Variants in EYS observed in about 807,000 individuals in gnomAD.
The protein encoded by EYS is EGF-like photoreceptor maintenance factor, also known as protein eyes shut homolog.
Under a neutral mutation model 282.1 loss-of-function variants are expected in EYS, and 250 were observed. That is an observed-to-expected ratio of 0.89 (90% CI 0.80 to 0.98). EYS has a LOEUF of 0.98. Among genes scored for constraint, EYS ranks in the 50% least tolerant of loss-of-function variants. EYS has a pLI of 0.00. For missense variants in EYS, 4,016 were observed against 3,709.0 expected (o/e 1.08, Z -2.15); for synonymous variants, 1,355 against 1,282.9 (o/e 1.06, Z -1.20).
chr6:65,246,582 T>C (rs1252471857), intron 12 of EYS, among the ~76,000 whole-genome samples: 2 of 152,046 alleles, frequency 1.3e-5, no homozygotes, highest in Non-Finnish European at 2.9e-5. Flanking sequence ...GAGCCCCCCA[T>C]AGTAATATTT....
intron 31 of EYS, among the ~76,000 whole-genome samples, chr6:64,163,693 C>A (rs969652043): frequency 6.6e-6 from 1 of 151,958 alleles, no homozygotes; most frequent in Non-Finnish European, 1.5e-5. Context: ...GTACTTAAGG[C>A]AAATCTTTCT....
chr6:65,628,228 G>C lies in EYS; in HGVS notation c.-333+11550C>G, dbSNP rs1022258468. On this transcript the variant is annotated intron_variant, in intron 2 of 42. Coordinates refer to ENST00000503581, the MANE Select transcript of EYS (RefSeq NM_001142800.2). ...CTCAAGGTTTGTGAGTGCACCAATC[G>C]ACACTCCGTATCTAGCTGCTCTGGT... Among the ~76,000 whole-genome samples, 15 of 152,084 alleles carry C rather than the reference G, an allele frequency of 9.9e-5. 1 individual carries two copies. The highest frequency in any genetic ancestry group is 9.2e-4 in the Admixed American group (14 of 15,276).
At chr6:65,164,990 T>C (rs1345015673) in intron 12 of EYS, among the ~76,000 whole-genome samples, 4 of 151,270 alleles carry the variant, frequency 2.6e-5, no homozygotes, top group African/African-American at 4.8e-5. Context: ...TGCTTCCAAA[T>C]AAGGCCAAAT....
At chr6:63,828,371 C>T (rs557043716) in intron 36 of EYS, among the ~76,000 whole-genome samples, 40 of 130,050 alleles carry the variant, frequency 3.1e-4, no homozygotes, top group South Asian at 6.8e-4. Context: ...AATAACCTCA[C>T]GAAGAAATGA....
intron 26 of EYS, among the ~76,000 whole-genome samples, chr6:64,445,027 C>T (rs192018181): frequency 1.3e-5 from 2 of 152,302 alleles, no homozygotes; most frequent in Admixed American, 1.3e-4. Context: ...ATTACCCAGC[C>T]TCAGGTATCT....
chr6:65,417,922 C>A (rs920689885), intron 5 of EYS, among the ~76,000 whole-genome samples: 4 of 151,856 alleles, frequency 2.6e-5, no homozygotes, highest in African/African-American at 9.7e-5. Flanking sequence ...AGAATACCAA[C>A]AACAAAAAGC....
At chr6:64,979,081 C>T (rs1392608144) in intron 14 of EYS, among the ~76,000 whole-genome samples, 2 of 151,778 alleles carry the variant, frequency 1.3e-5, no homozygotes, top group Non-Finnish European at 2.9e-5. Flanking sequence ...ACAAGTTTTA[C>T]TGTGGATGAA....
intron 22 of EYS, among the ~76,000 whole-genome samples, chr6:64,718,737 C>A (rs1771477602): frequency 1.3e-5 from 2 of 152,200 alleles, no homozygotes; most frequent in Non-Finnish European, 2.9e-5. Flanking sequence ...TAGAATCAAT[C>A]TCAGAGCTGT....
In EYS at chr6:65,612,263, C is replaced by A. The variant is rs188294557; in HGVS notation, c.-333+27515G>T. ...TATCATATATATTTATTATGTATGA[C>A]ATATAATCCTGGGTATTACTATTTT... is the stretch of plus-strand genomic sequence containing the variant. On this transcript the variant is annotated intron_variant, in intron 2 of 42. Coordinates refer to ENST00000503581, the MANE Select transcript of EYS (RefSeq NM_001142800.2). Among the ~76,000 whole-genome samples the A allele has an allele frequency of 1.6e-3, 238 of 150,856 alleles. 5 individuals are homozygous for A. Among genetic ancestry groups the A allele is most frequent in the Non-Finnish European group, 1.0e-3 (70 of 67,598 alleles).
chr6:65,663,064 A>G (rs1377964283), intron 1 of EYS, among the ~76,000 whole-genome samples: 6 of 152,216 alleles, frequency 3.9e-5, no homozygotes, highest in Non-Finnish European at 8.8e-5. Context: ...TTGACAGCTC[A>G]AAGAAGCAGC....
At chr6:64,176,703 T>C (rs770269713) in intron 31 of EYS, among the ~76,000 whole-genome samples, 10 of 152,128 alleles carry the variant, frequency 6.6e-5, no homozygotes, top group Non-Finnish European at 1.0e-4. Context: ...TGCCTTTAAA[T>C]ATGATGCTAA....
At chr6:64,423,835 C>T (rs1009004470) in intron 28 of EYS, among the ~76,000 whole-genome samples, 6 of 152,070 alleles carry the variant, frequency 3.9e-5, no homozygotes, top group Non-Finnish European at 8.8e-5. Context: ...TTTAGAGTTG[C>T]CAATGAGATC....
intron 40 of EYS, chr6:63,777,739 T>C (rs1770100808): frequency 2.9e-6 from 1 of 349,178 alleles, no homozygotes; most frequent in Non-Finnish European, 5.3e-6. Context: ...ATAGTATGGA[T>C]TTAAGTGATA....
intron 12 of EYS, among the ~76,000 whole-genome samples, chr6:65,290,349 AT>A (rs1768489797): frequency 6.6e-6 from 1 of 151,148 alleles, no homozygotes; most frequent in Non-Finnish European, 1.5e-5. Flanking sequence ...AAGTCTAACT[AT>A]TATAAGAGAA....
chr6:65,264,288 A>C (rs752819537), intron 12 of EYS, among the ~76,000 whole-genome samples: 8 of 152,158 alleles, frequency 5.3e-5, no homozygotes, highest in Non-Finnish European at 1.0e-4. Flanking sequence ...TGTACTAATA[A>C]GTGCTAATTA....
intron 2 of EYS, among the ~76,000 whole-genome samples, chr6:65,608,608 C>T (rs1443834249): frequency 1.3e-5 from 2 of 151,926 alleles, no homozygotes; most frequent in Non-Finnish European, 2.9e-5. Context: ...TTTTTATTTA[C>T]TCTTTGACTT....
At chr6:65,193,395 T>C (rs2150241195) in intron 12 of EYS, among the ~76,000 whole-genome samples, 1 of 151,864 alleles carries the variant, frequency 6.6e-6, no homozygotes, top group East Asian at 1.9e-4. Context: ...ACTTGGCTAG[T>C]TTTCACCCAT....
chr6:65,135,287 C>T (rs56334351), intron 12 of EYS, among the ~76,000 whole-genome samples: 37,241 of 151,760 alleles, frequency 0.25, 4,829 homozygotes, highest in African/African-American at 0.31. Flanking sequence ...ATGTTATCCT[C>T]AACCAAAAAG....
chr6:64,023,414 A>G (rs558595610), intron 33 of EYS, among the ~76,000 whole-genome samples: 1 of 152,348 alleles, frequency 6.6e-6, no homozygotes, highest in Admixed American at 6.5e-5. Context: ...TTTTAGAGCA[A>G]CCATTAAACT....
Sources: allele counts gnomAD v4.1 joint callset (sites outside exome capture counted in the v4.1 genomes callset), GRCh38; gene constraint gnomAD v4.1.1; transcripts MANE v1.5; gene names NCBI Gene and HGNC (gene_info 2026-07-23, HGNC 2026-07-21).